Variants in ROBO2 observed in about 807,000 individuals in gnomAD.
The protein encoded by ROBO2 is roundabout guidance receptor 2.
A neutral mutation model predicts 160.8 loss-of-function variants in ROBO2; 53 were observed. The ratio of observed to expected loss-of-function variants is 0.33; its 90% CI spans 0.26 to 0.41. ROBO2 has a LOEUF of 0.41. Among genes scored for constraint, ROBO2 ranks in the 10% least tolerant of loss-of-function variants. The probability of loss-of-function intolerance (pLI) is 1.00; values close to 1 mark genes in which losing one functional copy is unlikely to be tolerated. For synonymous variants in ROBO2, 664 were observed against 611.7 expected (o/e 1.09, Z -1.26); for missense variants, 1,577 against 1,722.4 (o/e 0.92, Z 1.49).
chr3:75,960,445 C>G (rs1458239112), intron 2 of ROBO2, among the ~76,000 whole-genome samples: 2 of 151,700 alleles, frequency 1.3e-5, no homozygotes, highest in Non-Finnish European at 2.9e-5. Flanking sequence ...GTGCTGGAAG[C>G]TTGTTTTTAT....
At position 76,511,086 on chromosome 3, in the gene ROBO2, T is replaced by C. The variant is rs192774879; in HGVS notation, c.109+573484T>C. ...TGACACTAGAACAAGTCTCTAATGC[T>C]GATGAACTATCACTGTTTTGGTATT... On this transcript the variant is annotated intron_variant, in intron 2 of 26. Coordinates refer to the ROBO2 transcript ENST00000487694. 3.3e-5 allele frequency among the ~76,000 whole-genome samples: 5 copies of C among 152,316 alleles called. No individual in the cohort carries two copies. In the East Asian group the frequency reaches 9.7e-4, roughly 29 times the overall value.
intron 2 of ROBO2, among the ~76,000 whole-genome samples, chr3:76,756,209 T>A (rs1189178224): frequency 6.6e-6 from 1 of 151,874 alleles, no homozygotes; most frequent in Non-Finnish European, 1.5e-5. Flanking sequence ...CGAATATGTT[T>A]CTGGCTACAA....
chr3:77,198,014 T>G (rs1376760662), intron 2 of ROBO2, among the ~76,000 whole-genome samples: 1 of 152,188 alleles, frequency 6.6e-6, no homozygotes, highest in African/African-American at 2.4e-5. Flanking sequence ...GGGGCCAGAA[T>G]TTTGTCCTAT....
At chr3:76,005,776 T>C (rs2066005356) in intron 2 of ROBO2, among the ~76,000 whole-genome samples, 1 of 152,214 alleles carries the variant, frequency 6.6e-6, no homozygotes, top group Admixed American at 6.5e-5. Flanking sequence ...TGTGTAGATA[T>C]AGAGCTACTA....
At chr3:76,103,700 G>T (rs144258396) in intron 2 of ROBO2, among the ~76,000 whole-genome samples, 36 of 152,314 alleles carry the variant, frequency 2.4e-4, no homozygotes, top group Middle Eastern at 6.8e-3. Context: ...TACTTAAAAA[G>T]AGGTGAACAA....
intron 2 of ROBO2, among the ~76,000 whole-genome samples, chr3:77,293,328 T>C (rs185729831): frequency 1.4e-5 from 2 of 147,976 alleles, no homozygotes; most frequent in Non-Finnish European, 3.0e-5. Context: ...AAGTTGAGGC[T>C]AGAACAGTAA....
In ROBO2 at chr3:77,098,241, C is replaced by CA; in HGVS notation, c.290dup (p.His97GlnfsTer6). The CA allele has an allele frequency of 6.2e-7, 1 of 1,614,176 alleles. No individual in the cohort carries two copies. The highest frequency in any genetic ancestry group is 8.5e-7 in the Non-Finnish European group (1 of 1,180,050). The stretch of plus-strand genomic sequence containing the variant: ...ATCCTTATTCTTCTTGCGCATCGTG[C>CA]ACGGGCGCAGGAGTAAACCTGATGA... On this transcript the variant is annotated frameshift_variant, in exon 2 of 26. Transcript: ENST00000461745. LOFTEE classifies it high-confidence loss of function.
intron 2 of ROBO2, among the ~76,000 whole-genome samples, chr3:76,273,665 CTCA>C (rs1707743065): frequency 6.6e-6 from 1 of 151,968 alleles, no homozygotes; most frequent in African/African-American, 2.4e-5. Flanking sequence ...TGAGAACTCA[CTCA>C]TCATCATGAG....
At chr3:76,616,825 A>G (rs978356451) in intron 2 of ROBO2, among the ~76,000 whole-genome samples, 6 of 152,128 alleles carry the variant, frequency 3.9e-5, no homozygotes, top group African/African-American at 1.4e-4. Context: ...TCATAGGTGC[A>G]ATCATAGTGC....
chr3:76,728,246 C>T (rs1458207111), intron 2 of ROBO2, among the ~76,000 whole-genome samples: 2 of 152,008 alleles, frequency 1.3e-5, no homozygotes, highest in African/African-American at 4.8e-5. Context: ...CCTTGTTTTC[C>T]CCTACTAGTG....
At chr3:77,228,485 T>G (rs1229582746) in intron 2 of ROBO2, among the ~76,000 whole-genome samples, 3 of 150,878 alleles carry the variant, frequency 2.0e-5, no homozygotes, top group Non-Finnish European at 2.9e-5. Context: ...TTGATGTGGT[T>G]GTTTGTTTTT....
chr3:76,452,791 A>C (rs1347287820), intron 2 of ROBO2, among the ~76,000 whole-genome samples: 1 of 152,036 alleles, frequency 6.6e-6, no homozygotes, highest in Non-Finnish European at 1.5e-5. Flanking sequence ...AGTCCCACCA[A>C]CAGTGTAAAA....
intron 2 of ROBO2, among the ~76,000 whole-genome samples, chr3:77,423,338 C>T (rs1288292538): frequency 2.0e-5 from 3 of 152,064 alleles, no homozygotes; most frequent in African/African-American, 7.2e-5. Flanking sequence ...GTAGACCTTT[C>T]CTGCCATGAG....
intron 1 of ROBO2, among the ~76,000 whole-genome samples, chr3:77,064,600 ATCTACAC>A (rs2066659054): frequency 6.6e-6 from 1 of 152,132 alleles, no homozygotes; most frequent in Non-Finnish European, 1.5e-5. Flanking sequence ...ACCTCAAATG[ATCTACAC>A]TCCTTGGCCT....
At chr3:77,192,975 T>C (rs1579835996) in intron 2 of ROBO2, among the ~76,000 whole-genome samples, 1 of 152,110 alleles carries the variant, frequency 6.6e-6, no homozygotes, top group South Asian at 2.1e-4. Flanking sequence ...TTTTAATATA[T>C]ACTGTGCTTT....
At chr3:76,115,769 TTC>T in intron 2 of ROBO2, among the ~76,000 whole-genome samples, 1 of 152,246 alleles carries the variant, frequency 6.6e-6, no homozygotes, top group Non-Finnish European at 1.5e-5. Flanking sequence ...CTGCTCTTGT[TTC>T]TTTTAATTTA....
At chr3:77,030,169 C>T (rs979308868) in intron 2 of ROBO2, among the ~76,000 whole-genome samples, 2 of 141,532 alleles carry the variant, frequency 1.4e-5, no homozygotes, top group African/African-American at 3.0e-5. Flanking sequence ...TTGTCTCGAT[C>T]TCCTGACCTC....
chr3:77,187,421 T>G (rs192476522), intron 2 of ROBO2, among the ~76,000 whole-genome samples: 2 of 152,082 alleles, frequency 1.3e-5, no homozygotes, highest in East Asian at 3.9e-4. Flanking sequence ...TCAAAATAAG[T>G]ACACTTAAAA....
intron 2 of ROBO2, among the ~76,000 whole-genome samples, chr3:76,254,989 T>G (rs1222506535): frequency 6.6e-6 from 1 of 152,072 alleles, no homozygotes; most frequent in Non-Finnish European, 1.5e-5. Flanking sequence ...TGGTAATTGA[T>G]GAACTATTGA....
Sources: gnomAD v4.1 joint callset for allele counts (sites outside exome capture counted in the v4.1 genomes callset) on GRCh38, gnomAD v4.1.1 for gene constraint, MANE v1.5 for transcripts, NCBI Gene and HGNC (gene_info 2026-07-23, HGNC 2026-07-21) for gene names.